CDH12: variants seen among roughly 807,000 people sequenced by gnomAD.
The protein encoded by CDH12 is cadherin-12.
Under a neutral mutation model 74.1 loss-of-function variants are expected in CDH12, and 41 were observed. The observed-to-expected ratio is 0.55, with a 90% CI of 0.43 to 0.72. The LOEUF is 0.72. Ranked by LOEUF, CDH12 falls within the 30% of genes least tolerant of loss-of-function variation. The probability of loss-of-function intolerance (pLI) is 0.00; values close to 1 mark genes in which losing one functional copy is unlikely to be tolerated. For missense variants in CDH12, 945 were observed against 977.2 expected, an observed-to-expected ratio of 0.97 and a Z score of 0.44; for synonymous variants, 399 against 355.0, an observed-to-expected ratio of 1.12 and a Z score of -1.39.
chr5:22,045,808 G>T lies in CDH12; in HGVS notation c.231+32638C>A, dbSNP rs925362665. ...GCTGAGGAGGATAGTGGTAGGAGTG[G>T]TGGAGGACAGGTTGTTTAACAGTTA... On this transcript the variant is annotated intron_variant, in intron 5 of 14. Coordinates refer to ENST00000382254, the MANE Select transcript of CDH12 (RefSeq NM_004061.5). Among the ~76,000 whole-genome samples the T allele has an allele frequency of 3.8e-4, 58 of 152,134 alleles. 2 individuals are homozygous for T. Among genetic ancestry groups the T allele is most frequent in the Non-Finnish European group, 5.9e-5 (4 of 68,024 alleles).
At chr5:22,761,867 A>T (rs1199308493) in intron 1 of CDH12, among the ~76,000 whole-genome samples, 1 of 152,134 alleles carries the variant, frequency 6.6e-6, no homozygotes, top group African/African-American at 2.4e-5. Flanking sequence ...CTTGTGTCAG[A>T]CTTAGCATGT....
chr5:22,443,608 C>G (rs1268694293), intron 2 of CDH12, among the ~76,000 whole-genome samples: 1 of 151,964 alleles, frequency 6.6e-6, no homozygotes, highest in Admixed American at 6.6e-5. Context: ...AATATATCCT[C>G]AGGTTATCAG....
At chr5:21,755,500 G>T in intron 14 of CDH12, 91 bp downstream of exon 14, 1 of 1,143,802 alleles carries the variant, frequency 8.7e-7, no homozygotes. Flanking sequence ...TTGTTTACAT[G>T]ATAAATTGAG....
intron 4 of CDH12, among the ~76,000 whole-genome samples, chr5:22,160,287 T>C (rs2150318253): frequency 6.6e-6 from 1 of 152,342 alleles, no homozygotes; most frequent in Admixed American, 6.5e-5. Context: ...ATTAACATGC[T>C]GCTTTGGATA....
Position 22,503,951 on chromosome 5 carries a change from G to A in CDH12, c.-428+1319C>T, listed in dbSNP as rs183643512. Among the ~76,000 whole-genome samples the A allele has an allele frequency of 9.1e-4, 139 of 152,012 alleles. 1 individual carries two copies. The highest frequency in any genetic ancestry group is 3.1e-3 in the African/African-American group (129 of 41,514). ...CATGGATATTTAAGAATATGGAGTTGCCTTTTATAGGAATTAAATTCAAAG... is the reference window on the plus strand; with the variant it reads ...CATGGATATTTAAGAATATGGAGTTACCTTTTATAGGAATTAAATTCAAAG... On this transcript the variant is annotated intron_variant, in intron 2 of 14. Coordinates refer to ENST00000382254, the MANE Select transcript of CDH12 (RefSeq NM_004061.5).
intron 1 of CDH12, among the ~76,000 whole-genome samples, chr5:22,567,563 T>G (rs939991837): frequency 6.6e-6 from 1 of 152,238 alleles, no homozygotes; most frequent in African/African-American, 2.4e-5. Flanking sequence ...TAGAAAAGTA[T>G]TTGACAAAAT....
chr5:22,392,698 A>T (rs1742295000), intron 3 of CDH12, among the ~76,000 whole-genome samples: 1 of 152,222 alleles, frequency 6.6e-6, no homozygotes, highest in African/African-American at 2.4e-5. Context: ...AGCACAGCAG[A>T]ATGCATTGTG....
intron 1 of CDH12, among the ~76,000 whole-genome samples, chr5:22,839,684 G>A (rs149011316): frequency 1.0e-3 from 152 of 151,966 alleles, no homozygotes; most frequent in African/African-American, 3.3e-3. Flanking sequence ...TACCCTTCAC[G>A]GTTTATAAAC....
At chr5:22,807,861 G>A (rs1271454477) in intron 1 of CDH12, among the ~76,000 whole-genome samples, 2 of 152,290 alleles carry the variant, frequency 1.3e-5, no homozygotes, top group Admixed American at 6.5e-5. Flanking sequence ...ATAAGTAAAT[G>A]TGAAGGCCTG....
chr5:22,530,366 A>G (rs1737532172), intron 1 of CDH12, among the ~76,000 whole-genome samples: 1 of 152,286 alleles, frequency 6.6e-6, no homozygotes, highest in South Asian at 2.1e-4. Context: ...ACAGAAAATC[A>G]TATTAAAGTC....
chr5:22,194,308 CT>C (rs59899245), intron 4 of CDH12, among the ~76,000 whole-genome samples: 2,640 of 139,832 alleles, frequency 0.019, 41 homozygotes, highest in African/African-American at 0.05. Context: ...CTTTTTCTTT[CT>C]TTTTTTTTTT....
At chr5:22,144,414 T>G (rs547580653) in intron 4 of CDH12, among the ~76,000 whole-genome samples, 9 of 152,198 alleles carry the variant, frequency 5.9e-5, no homozygotes, top group Non-Finnish European at 1.2e-4. Flanking sequence ...ATTAATGTAC[T>G]ACTAATCATA....
intron 1 of CDH12, among the ~76,000 whole-genome samples, chr5:22,547,990 T>G (rs982481134): frequency 2.0e-5 from 3 of 152,218 alleles, no homozygotes; most frequent in Non-Finnish European, 2.9e-5. Context: ...TAGTTTGTTT[T>G]GATTATTCTG....
intron 1 of CDH12, among the ~76,000 whole-genome samples, chr5:22,643,932 T>G (rs1393428321): frequency 6.6e-6 from 1 of 151,952 alleles, no homozygotes; most frequent in Non-Finnish European, 1.5e-5. Flanking sequence ...CAATGACCTT[T>G]GAGGTTACTA....
chr5:22,070,495 G>A (rs1290118837), intron 5 of CDH12, among the ~76,000 whole-genome samples: 1 of 152,020 alleles, frequency 6.6e-6, no homozygotes, highest in Admixed American at 6.6e-5. Flanking sequence ...TCTATTATGT[G>A]GGTGGGACAC....
At chr5:22,327,420 T>G (rs1016993529) in intron 3 of CDH12, among the ~76,000 whole-genome samples, 1 of 133,528 alleles carries the variant, frequency 7.5e-6, no homozygotes, top group Admixed American at 8.0e-5. Context: ...GAGATAAAAT[T>G]TGTGCCTCTG....
intron 2 of CDH12, among the ~76,000 whole-genome samples, chr5:22,474,856 A>C (rs568995698): frequency 6.6e-6 from 1 of 152,178 alleles, no homozygotes; most frequent in African/African-American, 2.4e-5. Context: ...CCATAGTACA[A>C]ATAAAGAATC....
chr5:22,129,461 G>C (rs1005486891), intron 4 of CDH12, among the ~76,000 whole-genome samples: 1 of 152,106 alleles, frequency 6.6e-6, no homozygotes, highest in African/African-American at 2.4e-5. Context: ...CTCAGCAGAG[G>C]TACAAAACGG....
intron 1 of CDH12, among the ~76,000 whole-genome samples, chr5:22,598,750 T>C (rs963416): frequency 0.28 from 43,054 of 152,088 alleles, 6,245 homozygotes; most frequent in South Asian, 0.34. Context: ...ATTTACAAAG[T>C]ACTTTCACCT....
Sources: gnomAD v4.1 joint callset for allele counts (sites outside exome capture counted in the v4.1 genomes callset) on GRCh38, gnomAD v4.1.1 for gene constraint, MANE v1.5 for transcripts, NCBI Gene and HGNC (gene_info 2026-07-23, HGNC 2026-07-21) for gene names.